Variants in FMR1NB observed in about 807,000 individuals in gnomAD.
FMR1NB encodes the protein FMR1 neighbor.
FMR1NB carries 10 observed loss-of-function variants against 16.8 expected under a neutral mutation model. The observed-to-expected ratio is 0.60, with a 90% CI of 0.37 to 1.01. FMR1NB has a LOEUF of 1.01. Among genes scored for constraint, FMR1NB ranks in the 50% least tolerant of loss-of-function variants. FMR1NB has a pLI of 0.01. For synonymous variants in FMR1NB, 83 were observed against 79.1 expected, an observed-to-expected ratio of 1.05 and a Z score of -0.26; for missense variants, 205 against 204.8, an observed-to-expected ratio of 1.00 and a Z score of 0.00.
In FMR1NB at chrX:148,008,771, G is replaced by A. The variant is rs1055762134; in HGVS notation, c.632+60G>A. The A allele has an allele frequency of 3.7e-5, 36 of 975,509 alleles. No individual in the cohort carries two copies. In the African/African-American group the frequency reaches 5.9e-4, roughly 16 times the overall value. The allele number at this position is 975,509 out of a possible 1,213,427, so 80.4% of individuals were successfully genotyped here. A position where few individuals can be genotyped will look rare whatever the true frequency, so the allele number is the denominator to read the frequency against. On this transcript the variant is annotated intron_variant, in intron 4 of 5. Transcript: ENST00000370467. ...AAGTATACATGAGTATTTGTGTATA[G>A]ACATATTTATTAATACACTTCAGAA...
chrX:147,982,849 G>C (rs1334515259), intron 1 of FMR1NB, among the ~76,000 whole-genome samples: 6 of 111,273 alleles, frequency 5.4e-5, no homozygotes, highest in Non-Finnish European at 1.1e-4. Flanking sequence ...AGCCAAGATC[G>C]CGCCACTACA....
intron 4 of FMR1NB, among the ~76,000 whole-genome samples, chrX:148,009,164 C>T (rs1051635888): frequency 1.8e-5 from 2 of 111,687 alleles, no homozygotes; most frequent in Non-Finnish European, 3.8e-5. Context: ...GTCTCAGCAA[C>T]AAGAGTGAAA....
chrX:148,012,487 C>T (rs1227080269), intron 4 of FMR1NB, among the ~76,000 whole-genome samples: 2 of 111,606 alleles, frequency 1.8e-5, no homozygotes, highest in East Asian at 2.8e-4. Flanking sequence ...TGAATTAAGA[C>T]AAAATTCAGA....
chrX:148,008,075 T>G (rs782270637), intron 3 of FMR1NB: 6 of 112,377 alleles, frequency 5.3e-5, no homozygotes, highest in African/African-American at 1.9e-4. Context: ...CCTTGTTTAA[T>G]TTAATATTTT....
chrX:147,985,352 T>C (rs2044470891), intron 1 of FMR1NB, among the ~76,000 whole-genome samples: 1 of 111,926 alleles, frequency 8.9e-6, no homozygotes, highest in African/African-American at 3.3e-5. Flanking sequence ...ATGGGATACA[T>C]GTGCAGAACG....
intron 4 of FMR1NB, among the ~76,000 whole-genome samples, chrX:148,014,328 T>C: frequency 8.9e-6 from 1 of 111,783 alleles, no homozygotes; most frequent in South Asian, 3.8e-4. Context: ...TTTGGACATA[T>C]ACCTGGACTC....
chrX:147,983,893 A>G (rs2044463419), intron 1 of FMR1NB, among the ~76,000 whole-genome samples: 1 of 110,708 alleles, frequency 9.0e-6, no homozygotes, highest in Non-Finnish European at 1.9e-5. Flanking sequence ...ATCCATTTGG[A>G]GTTGATTTTG....
intron 1 of FMR1NB, among the ~76,000 whole-genome samples, chrX:147,983,166 C>T (rs782516436): frequency 2.7e-5 from 3 of 111,307 alleles, no homozygotes; most frequent in African/African-American, 6.5e-5. Context: ...TGAAATTTAC[C>T]GAATTTGGGT....
At chrX:147,990,733 G>T (rs1557187530) in intron 1 of FMR1NB, among the ~76,000 whole-genome samples, 1 of 111,100 alleles carries the variant, frequency 9.0e-6, no homozygotes. Context: ...TTCTTTGAAA[G>T]GTCTTCCCTC....
chrX:148,019,069 T>C (rs1179106317), intron 4 of FMR1NB, among the ~76,000 whole-genome samples: 1 of 112,009 alleles, frequency 8.9e-6, no homozygotes, highest in Non-Finnish European at 1.9e-5. Context: ...GCATGTTTCA[T>C]TGTTTTCTTT....
At chrX:147,983,511 C>T (rs1331404643) in intron 1 of FMR1NB, among the ~76,000 whole-genome samples, 1 of 112,085 alleles carries the variant, frequency 8.9e-6, no homozygotes, top group East Asian at 2.8e-4. Context: ...GTTTTATATG[C>T]TTGTTGGCCA....
chrX:147,993,579 C>G (rs1012507868), intron 1 of FMR1NB, among the ~76,000 whole-genome samples: 2 of 111,004 alleles, frequency 1.8e-5, no homozygotes, highest in African/African-American at 6.6e-5. Context: ...TTCCTTATCT[C>G]ACAGAGCCCT....
At chrX:148,010,499 A>G (rs6626297) in intron 4 of FMR1NB, among the ~76,000 whole-genome samples, 16,506 of 111,586 alleles carry the variant, frequency 0.15, 1,704 homozygotes, top group African/African-American at 0.37. Context: ...GGCCATAGTC[A>G]GCTTTTGCAG....
intron 4 of FMR1NB, among the ~76,000 whole-genome samples, chrX:148,008,994 A>G (rs781970582): frequency 9.1e-6 from 1 of 110,110 alleles, no homozygotes; most frequent in Non-Finnish European, 1.9e-5. Context: ...AGTCTGACCA[A>G]CATGGCGAAA....
rs916758518 is a variant in FMR1NB at position 147,986,739 on chromosome X, G to A, written c.277+5060G>A. 3.0e-4 allele frequency among the ~76,000 whole-genome samples: 33 copies of A among 111,767 alleles called. 1 individual carries two copies. Among genetic ancestry groups the A allele is most frequent in the Admixed American group, 1.3e-3 (14 of 10,515 alleles). ...TTACTGTAGTCTTGTAGTATAGTTT[G>A]AAGTCAGGTAGTGTGATGCCTCCAG... On this transcript the variant is annotated intron_variant, in intron 1 of 5. Transcript: ENST00000370467.
At chrX:148,021,412 TC>T (rs1454910117) in intron 4 of FMR1NB, among the ~76,000 whole-genome samples, 10 of 104,243 alleles carry the variant, frequency 9.6e-5, no homozygotes, top group Non-Finnish European at 1.6e-4. Flanking sequence ...TTTTTTTTTT[TC>T]CTGTGTAGAT....
At chrX:147,998,731 A>G (rs1171156478) in intron 1 of FMR1NB, among the ~76,000 whole-genome samples, 1 of 112,705 alleles carries the variant, frequency 8.9e-6, no homozygotes, top group African/African-American at 3.2e-5. Context: ...GCAAACATTA[A>G]TATATCCATA....
rs190368315 is a variant in FMR1NB, at chrX:148,026,421, G to T, written c.*14-81G>T. ...ATAGAATTTGATAATTTTGTTGCAG[G>T]GACTTCTTTTATGACAAAGTGCGAT... On this transcript the variant is annotated intron_variant, in intron 5 of 5. Coordinates refer to ENST00000370467, the MANE Select transcript of FMR1NB (RefSeq NM_152578.3). 2.7e-3 allele frequency: 298 copies of T among 110,968 alleles called. 1 individual carries two copies. The highest frequency in any genetic ancestry group is 8.9e-3 in the African/African-American group (271 of 30,618). 9.1% of individuals were successfully genotyped at this position (110,968 alleles called of 1,213,427 possible).
intron 4 of FMR1NB, among the ~76,000 whole-genome samples, chrX:148,011,625 A>C (rs1200990984): frequency 9.0e-6 from 1 of 111,490 alleles, no homozygotes; most frequent in Non-Finnish European, 1.9e-5. Flanking sequence ...GATCAGGTTA[A>C]GTAGGAGAGG....
Sources: allele counts gnomAD v4.1 joint callset (sites outside exome capture counted in the v4.1 genomes callset), GRCh38; gene constraint gnomAD v4.1.1; transcripts MANE v1.5; gene names NCBI Gene and HGNC (gene_info 2026-07-23, HGNC 2026-07-21).